Variants in TRABD2B observed in about 807,000 individuals in gnomAD.
The protein encoded by TRABD2B is TraB domain containing 2B, also known as metalloprotease TIKI2.
In TRABD2B, 14 loss-of-function variants were observed where a neutral mutation model predicts 40.1. That is an observed-to-expected ratio of 0.35 (90% CI 0.23 to 0.55). The LOEUF (loss-of-function observed/expected upper bound fraction) is 0.55, where lower values mean the gene tolerates loss of function less well. TRABD2B is among the 20% of genes least tolerant of loss of function. The probability of loss-of-function intolerance (pLI) is 0.90; values close to 1 mark genes in which losing one functional copy is unlikely to be tolerated. For synonymous variants in TRABD2B, 263 were observed against 277.0 expected (o/e 0.95, Z 0.50); for missense variants, 541 against 648.6 (o/e 0.83, Z 1.80).
intron 2 of TRABD2B, among the ~76,000 whole-genome samples, chr1:47,883,209 T>C (rs974475054): frequency 6.6e-6 from 1 of 152,166 alleles, no homozygotes; most frequent in East Asian, 1.9e-4. Flanking sequence ...AAATACCTTG[T>C]CCAAGGCCAC....
intron 4 of TRABD2B, among the ~76,000 whole-genome samples, chr1:47,782,610 C>T (rs1438365116): frequency 6.6e-6 from 1 of 152,206 alleles, no homozygotes; most frequent in Non-Finnish European, 1.5e-5. Flanking sequence ...CCCCAGGAGA[C>T]CTGAGCTCAT....
chr1:47,943,891 A>T (rs7520054), intron 2 of TRABD2B, among the ~76,000 whole-genome samples: 4,793 of 152,048 alleles, frequency 0.032, 260 homozygotes, highest in African/African-American at 0.11. Context: ...TTTACCACAC[A>T]CCTACTGCCT....
At chr1:47,876,537 G>A (rs1644227752) in intron 2 of TRABD2B, among the ~76,000 whole-genome samples, 1 of 152,192 alleles carries the variant, frequency 6.6e-6, no homozygotes, top group Non-Finnish European at 1.5e-5. Context: ...TGTGTATGGT[G>A]GTGGGGAGGG....
At chr1:47,774,624 T>A (rs1345086972) in intron 6 of TRABD2B, among the ~76,000 whole-genome samples, 1 of 152,146 alleles carries the variant, frequency 6.6e-6, no homozygotes, top group Non-Finnish European at 1.5e-5. Flanking sequence ...ATTTCTCCTA[T>A]CTGTCCATTT....
chr1:47,964,505 A>T (rs1173636210), intron 2 of TRABD2B, among the ~76,000 whole-genome samples: 1 of 152,174 alleles, frequency 6.6e-6, no homozygotes, highest in Non-Finnish European at 1.5e-5. Flanking sequence ...TATTTTCCCT[A>T]TTAACCAAAC....
chr1:47,969,289 T>C (rs1274768798), intron 2 of TRABD2B, among the ~76,000 whole-genome samples: 1 of 152,226 alleles, frequency 6.6e-6, no homozygotes, highest in Non-Finnish European at 1.5e-5. Flanking sequence ...TGTCTGCTTA[T>C]AGGCAGGAAC....
At chr1:47,804,570 G>A (rs1182526578) in intron 2 of TRABD2B, among the ~76,000 whole-genome samples, 1 of 152,162 alleles carries the variant, frequency 6.6e-6, no homozygotes, top group Non-Finnish European at 1.5e-5. Flanking sequence ...GAGGAGAAAT[G>A]TCTCCCCAGG....
intron 6 of TRABD2B, 128 bp from the exon 7 acceptor site, chr1:47,766,234 T>C (rs1002290796): frequency 3.7e-5 from 23 of 626,008 alleles, no homozygotes; most frequent in Admixed American, 2.9e-4. Context: ...ACAAGGAGCT[T>C]GAGCAGGCAA....
Position 47,866,031 on chromosome 1 carries a change from T to C in TRABD2B, c.667-64412A>G, listed in dbSNP as rs1161040092. On this transcript the variant is annotated intron_variant, in intron 2 of 6. Coordinates refer to ENST00000606738, the MANE Select transcript of TRABD2B (RefSeq NM_001194986.2). ...GAACATAAGGCTCTAGTAGAGTGCA[T>C]GAGTAAGTACTTTGACTCTTGTTAA... is the stretch of plus-strand genomic sequence containing the variant. 2.9e-5 allele frequency among the ~76,000 whole-genome samples: 4 copies of C among 139,632 alleles called. No homozygotes were observed. The Admixed American group carries it at 2.9e-4, about 10-fold the overall frequency. The allele number at this position is 139,632 out of a possible 152,430, so 91.6% of individuals were successfully genotyped here.
chr1:47,868,859 C>A (rs2124582807), intron 2 of TRABD2B, among the ~76,000 whole-genome samples: 1 of 152,302 alleles, frequency 6.6e-6, no homozygotes, highest in Non-Finnish European at 1.5e-5. Context: ...TCTTCCCCAG[C>A]TGGGCAAGTG....
At chr1:47,944,879 G>A (rs1016218187) in intron 2 of TRABD2B, among the ~76,000 whole-genome samples, 4 of 152,194 alleles carry the variant, frequency 2.6e-5, no homozygotes, top group African/African-American at 9.7e-5. Flanking sequence ...ACATCTCAGA[G>A]GAGATTTGGA....
At chr1:47,891,240 A>G (rs914805935) in intron 2 of TRABD2B, among the ~76,000 whole-genome samples, 3 of 152,246 alleles carry the variant, frequency 2.0e-5, no homozygotes, top group Admixed American at 6.5e-5. Context: ...TGAGTCAAAC[A>G]AAGTTCCAGC....
intron 2 of TRABD2B, among the ~76,000 whole-genome samples, chr1:47,961,013 C>T (rs538371904): frequency 4.6e-5 from 7 of 152,202 alleles, no homozygotes; most frequent in African/African-American, 1.7e-4. Context: ...CCAAAACAGA[C>T]ATATAGACCA....
intron 3 of TRABD2B, among the ~76,000 whole-genome samples, chr1:47,800,022 TCC>T (rs1644800607): frequency 1.3e-5 from 2 of 152,136 alleles, no homozygotes; most frequent in Non-Finnish European, 2.9e-5. Flanking sequence ...CTTCCTTCCT[TCC>T]TTCCTTCCTT....
rs1553172404 is a variant in TRABD2B at position 47,983,759 on chromosome 1, A to AG, written c.666+10274_666+10275insC. 9.2e-3 allele frequency among the ~76,000 whole-genome samples: 552 copies of AG among 59,898 alleles called. 2 individuals carry two copies. The highest frequency in any genetic ancestry group is 0.035 in the African/African-American group (447 of 12,908). 39.3% of individuals were successfully genotyped at this position (59,898 alleles called of 152,430 possible). On this transcript the variant is annotated intron_variant, in intron 2 of 6. Transcript: ENST00000606738. ...AGTAACCACACTGGCAAAAAAAGAA[A>AG]AAAAAAAAAAAAAAGAGGAGCCAGG...
chr1:47,987,113 C>T (rs1021718024), intron 2 of TRABD2B, among the ~76,000 whole-genome samples: 1 of 152,152 alleles, frequency 6.6e-6, no homozygotes, highest in Non-Finnish European at 1.5e-5. Context: ...GAACTATTAA[C>T]AAAGGCACGC....
chr1:47,899,349 G>A (rs2124675053), intron 2 of TRABD2B, among the ~76,000 whole-genome samples: 1 of 152,378 alleles, frequency 6.6e-6, no homozygotes, highest in Middle Eastern at 3.4e-3. Context: ...GCCACCCAGA[G>A]TGGGACCTAG....
chr1:47,826,642 T>C (rs1418448198), intron 2 of TRABD2B, among the ~76,000 whole-genome samples: 2 of 152,098 alleles, frequency 1.3e-5, no homozygotes, highest in Non-Finnish European at 2.9e-5. Context: ...GGCGTGATCA[T>C]AACTCACTGC....
intron 2 of TRABD2B, among the ~76,000 whole-genome samples, chr1:47,826,012 A>G (rs1449327515): frequency 6.6e-6 from 1 of 152,194 alleles, no homozygotes; most frequent in Non-Finnish European, 1.5e-5. Context: ...TCACCAATGC[A>G]GGTCCCCCAT....
Sources: allele counts gnomAD v4.1 joint callset (sites outside exome capture counted in the v4.1 genomes callset), GRCh38; gene constraint gnomAD v4.1.1; transcripts MANE v1.5; gene names NCBI Gene and HGNC (gene_info 2026-07-23, HGNC 2026-07-21).